Variants in GPHN observed in about 807,000 individuals in gnomAD.
GPHN encodes gephyrin.
Under a neutral mutation model 95.5 loss-of-function variants are expected in GPHN, and 17 were observed. The ratio of observed to expected loss-of-function variants is 0.18; its 90% CI spans 0.12 to 0.27. GPHN has a LOEUF of 0.27. Among genes scored for constraint, GPHN ranks in the 10% least tolerant of loss-of-function variants. The probability of loss-of-function intolerance (pLI) is 1.00; values close to 1 mark genes in which losing one functional copy is unlikely to be tolerated. For synonymous variants in GPHN, 320 were observed against 322.5 expected (o/e 0.99, Z 0.08); for missense variants, 660 against 978.1 (o/e 0.67, Z 4.34).
At chr14:67,053,352 T>C (rs1309241982) in intron 10 of GPHN, among the ~76,000 whole-genome samples, 1 of 151,834 alleles carries the variant, frequency 6.6e-6, no homozygotes, top group Non-Finnish European at 1.5e-5. Context: ...GCAAATAAAC[T>C]AGAAAATCTA....
intron 13 of GPHN, among the ~76,000 whole-genome samples, chr14:67,108,618 G>A (rs565253797): frequency 6.6e-6 from 1 of 152,012 alleles, no homozygotes; most frequent in South Asian, 2.1e-4. Context: ...ATTATGGAGA[G>A]AAGATTTTTA....
At chr14:67,551,616 G>A in the GPHN span, among the ~76,000 whole-genome samples, 2 of 152,044 alleles carry the variant, frequency 1.3e-5, no homozygotes, top group East Asian at 3.9e-4. Context: ...TAATAATGTT[G>A]AACCTTTCAC....
chr14:66,532,601 T>A (rs2058988113), intron 1 of GPHN, among the ~76,000 whole-genome samples: 1 of 152,220 alleles, frequency 6.6e-6, no homozygotes, highest in Non-Finnish European at 1.5e-5. Context: ...ATCATGAGAT[T>A]GTTTTGGTTG....
At chr14:66,629,241 A>ATATTTATATACGTATATAAATATGTAT (rs1566729731) in intron 1 of GPHN, among the ~76,000 whole-genome samples, 1 of 146,580 alleles carries the variant, frequency 6.8e-6, no homozygotes, top group African/African-American at 2.5e-5. Flanking sequence ...ATATAAATAT[A>ATATTTATATACGTATATAAATATGTAT]AAACACACGT....
the GPHN span, chr14:67,541,860 A>G: frequency 6.3e-7 from 1 of 1,589,448 alleles, no homozygotes; most frequent in Non-Finnish European, 8.6e-7. Context: ...CCAGAAGTCG[A>G]TTCCATCATG....
intron 1 of GPHN, among the ~76,000 whole-genome samples, chr14:66,585,382 A>G (rs1222460975): frequency 6.6e-6 from 1 of 151,710 alleles, no homozygotes; most frequent in Non-Finnish European, 1.5e-5. Context: ...TTGTGTCTCT[A>G]TTTCCTTCAG....
At chr14:67,379,646 T>C in the GPHN span, among the ~76,000 whole-genome samples, 1 of 140,580 alleles carries the variant, frequency 7.1e-6, no homozygotes, top group African/African-American at 2.9e-5. Flanking sequence ...CTTTCTTTTT[T>C]TCTTTTTCTT....
At chr14:66,702,718 C>G (rs1177024357) in intron 2 of GPHN, among the ~76,000 whole-genome samples, 1 of 152,102 alleles carries the variant, frequency 6.6e-6, no homozygotes, top group Non-Finnish European at 1.5e-5. Flanking sequence ...TGAAAAAATG[C>G]TGAAAACCCA....
At chr14:67,129,492 A>G (rs981311899) in intron 17 of GPHN, among the ~76,000 whole-genome samples, 7 of 152,214 alleles carry the variant, frequency 4.6e-5, no homozygotes, top group East Asian at 1.9e-4. Context: ...GCAAAATCTT[A>G]ATGTCTATAT....
At chr14:67,100,228 A>G (rs1229542030) in intron 12 of GPHN, among the ~76,000 whole-genome samples, 2 of 152,212 alleles carry the variant, frequency 1.3e-5, no homozygotes, top group Non-Finnish European at 2.9e-5. Context: ...TAGCTCTACC[A>G]TTAACCAGAA....
At chr14:67,454,922 A>G in the GPHN span, among the ~76,000 whole-genome samples, 46,903 of 151,138 alleles carry the variant, frequency 0.31, 8,183 homozygotes, top group African/African-American at 0.48. Context: ...CACCCAGGCT[A>G]GAGTGCAACC....
At chr14:67,648,512 TA>T in the GPHN span, 3 of 188,478 alleles carry the variant, frequency 1.6e-5, no homozygotes, top group African/African-American at 7.2e-5. Flanking sequence ...CAAGATAAGA[TA>T]AGAGTGCAAG....
the GPHN span, among the ~76,000 whole-genome samples, chr14:67,656,795 C>A: frequency 2.0e-5 from 3 of 152,126 alleles, no homozygotes; most frequent in African/African-American, 7.2e-5. Context: ...GATCACAATA[C>A]CCCCACTCCA....
intron 2 of GPHN, among the ~76,000 whole-genome samples, chr14:66,745,219 A>G (rs901054689): frequency 8.5e-5 from 13 of 152,112 alleles, no homozygotes; most frequent in Non-Finnish European, 4.4e-5. Flanking sequence ...CAACAGTATA[A>G]TGAACAGCTG....
the GPHN span, chr14:67,199,052 C>A: frequency 1.3e-6 from 1 of 764,310 alleles, no homozygotes; most frequent in Non-Finnish European, 2.3e-6. Context: ...ATGGCAGGAG[C>A]TCTTTTGCCA....
the GPHN span, among the ~76,000 whole-genome samples, chr14:67,622,505 C>T: frequency 6.6e-6 from 1 of 152,186 alleles, no homozygotes; most frequent in African/African-American, 2.4e-5. Flanking sequence ...CTCTCTTAGT[C>T]ATTTTAATAA....
the GPHN span, chr14:67,292,795 C>G: frequency 1.9e-6 from 2 of 1,065,948 alleles, no homozygotes; most frequent in Non-Finnish European, 2.8e-6. Context: ...TTGGAAAATA[C>G]TAATGTGACT....
At chr14:66,601,594 C>A (rs1281457157) in intron 1 of GPHN, among the ~76,000 whole-genome samples, 1 of 151,794 alleles carries the variant, frequency 6.6e-6, no homozygotes, top group Admixed American at 6.6e-5. Context: ...GGAACTAAAG[C>A]ATAGCACCAT....
At chr14:67,570,103 G>C in the GPHN span, 1 of 922,840 alleles carries the variant, frequency 1.1e-6, no homozygotes, top group South Asian at 1.4e-5. Flanking sequence ...CTAGGGCCAG[G>C]CTTCTGCACA....
Sources: allele counts gnomAD v4.1 joint callset (sites outside exome capture counted in the v4.1 genomes callset), GRCh38; gene constraint gnomAD v4.1.1; transcripts MANE v1.5; gene names NCBI Gene and HGNC (gene_info 2026-07-23, HGNC 2026-07-21).